The following CFAP44 variants were observed in gnomAD, a reference collection of about 807,000 sequenced individuals.
The protein encoded by CFAP44 is cilia- and flagella-associated protein 44.
Under a neutral mutation model 216.2 loss-of-function variants are expected in CFAP44, and 134 were observed. The ratio of observed to expected loss-of-function variants is 0.62; its 90% CI spans 0.54 to 0.72. The LOEUF (loss-of-function observed/expected upper bound fraction) is 0.72, where lower values mean the gene tolerates loss of function less well. Ranked by LOEUF, CFAP44 falls within the 30% of genes least tolerant of loss-of-function variation. The probability of loss-of-function intolerance (pLI) is 0.00; values close to 1 mark genes in which losing one functional copy is unlikely to be tolerated. For synonymous variants in CFAP44, 700 were observed against 727.6 expected (o/e 0.96, Z 0.61); for missense variants, 2,035 against 2,182.1 (o/e 0.93, Z 1.34).
At position 113,287,027 on chromosome 3, in the gene CFAP44, T is replaced by C. The variant is rs898808889; in HGVS notation, c.*4530A>G. On this transcript the variant is annotated 3_prime_UTR_variant, in exon 35 of 35. Transcript: ENST00000393845. ...TATGTTTTATAATTCTGGAGAGACA[T>C]AAGGAGTCCTACCCGTTGAGGTTGG... 1.2e-6 allele frequency: 1 copy of C among 828,388 alleles called. No individual in the cohort carries two copies. Among genetic ancestry groups the C allele is most frequent in the African/African-American group, 1.7e-5 (1 of 59,018 alleles). The allele number at this position is 828,388 out of a possible 1,614,324, so 51.3% of individuals were successfully genotyped here.
At chr3:113,434,262 G>C (rs1935180033) in intron 1 of CFAP44, among the ~76,000 whole-genome samples, 2 of 152,190 alleles carry the variant, frequency 1.3e-5, no homozygotes, top group Non-Finnish European at 2.9e-5. Context: ...CCTAAAACAT[G>C]ATGGGGGGTT....
At chr3:113,304,699 T>C (rs572809401) in intron 31 of CFAP44, among the ~76,000 whole-genome samples, 14 of 152,326 alleles carry the variant, frequency 9.2e-5, no homozygotes, top group African/African-American at 3.4e-4. Context: ...AGTCCATGTA[T>C]AGATAAAGAT....
At chr3:113,338,916 A>G (rs1950305920) in intron 24 of CFAP44, among the ~76,000 whole-genome samples, 1 of 151,306 alleles carries the variant, frequency 6.6e-6, no homozygotes. Flanking sequence ...GAGAGAGCTG[A>G]CTCCTCTGCT....
At chr3:113,342,039 G>T in intron 23 of CFAP44, 121 bp from the exon 24 acceptor site, 1 of 1,211,394 alleles carries the variant, frequency 8.3e-7, no homozygotes, top group Non-Finnish European at 1.1e-6. Context: ...GTAAATCAAA[G>T]TATTTATTGA....
chr3:113,417,044 G>A (rs980739486), intron 5 of CFAP44, among the ~76,000 whole-genome samples: 19 of 152,162 alleles, frequency 1.2e-4, no homozygotes, highest in African/African-American at 4.3e-4. Context: ...TTCTAACTGC[G>A]TGATTTACAT....
chr3:113,426,795 G>A (rs35935366), intron 3 of CFAP44: 106,947 of 208,848 alleles, frequency 0.51, 28,966 homozygotes, highest in African/African-American at 0.71. Context: ...AGCAGTCATC[G>A]GTGAGCATGG....
Position 113,320,947 on chromosome 3 carries a change from T to C in CFAP44, c.4516+5498A>G, listed in dbSNP as rs549707530. On this transcript the variant is annotated intron_variant, in intron 28 of 34. Transcript: ENST00000393845. Reference sequence around the variant, plus strand: ...CCCTCACAGACACACCCAGGATCAATACTTTGCATCCTTCAATCCAATCAT... The same window carrying C: ...CCCTCACAGACACACCCAGGATCAACACTTTGCATCCTTCAATCCAATCAT... Among the ~76,000 whole-genome samples the C allele has an allele frequency of 5.2e-4, 79 of 152,278 alleles. 1 individual carries two copies. The highest frequency in any genetic ancestry group is 4.9e-4 in the Non-Finnish European group (33 of 68,018).
Position 113,308,172 on chromosome 3 carries a change from G to T in CFAP44, c.4613C>A (p.Ser1538Tyr), listed in dbSNP as rs1354679670. 2.6e-6 allele frequency: 4 copies of T among 1,533,096 alleles called. No homozygotes were observed. The highest frequency in any genetic ancestry group is 3.5e-6 in the Non-Finnish European group (4 of 1,145,840). 95.0% of individuals were successfully genotyped at this position (1,533,096 alleles called of 1,614,324 possible). A position where few individuals can be genotyped will look rare whatever the true frequency, so the allele number is the denominator to read the frequency against. ...SESEDEVFDD[S>Y]ICPTNCDVAL... ...ATCTAACTTACTTGTTGGGCAAATAGAATCATCAAAAACCTCATCTTCTGA... is the reference window on the plus strand; with the variant it reads ...ATCTAACTTACTTGTTGGGCAAATATAATCATCAAAAACCTCATCTTCTGA... The change falls in exon 29 of 35, where the codon TCT (serine) becomes TAT (tyrosine). Residue 1538 changes from serine (S) to tyrosine (Y), a missense_variant. Coordinates refer to ENST00000393845, the MANE Select transcript of CFAP44 (RefSeq NM_001164496.2).
chr3:113,427,498 C>T, intron 2 of CFAP44, 159 bp from the exon 3 acceptor site: 3 of 553,360 alleles, frequency 5.4e-6, no homozygotes, highest in Non-Finnish European at 9.2e-6. Flanking sequence ...AGTCTTGTAA[C>T]TTTACAAAAT....
At chr3:113,403,709 A>G (rs1030704627) in intron 9 of CFAP44, 143 bp downstream of exon 9, 1 of 860,702 alleles carries the variant, frequency 1.2e-6, no homozygotes, top group Admixed American at 3.4e-5. Flanking sequence ...CCACAAGAGA[A>G]GCATTATTTA....
chr3:113,406,784 T>C, intron 8 of CFAP44, 143 bp downstream of exon 8: 2 of 570,102 alleles, frequency 3.5e-6, no homozygotes, highest in African/African-American at 1.9e-5. Flanking sequence ...CAATTGATAA[T>C]TGAAGAAGTA....
At chr3:113,305,001 C>G in intron 31 of CFAP44, 35 bp downstream of exon 31, 2 of 1,522,590 alleles carry the variant, frequency 1.3e-6, no homozygotes, top group Non-Finnish European at 1.8e-6. Context: ...TGACTCTTCT[C>G]GGACAGGATG....
rs542728081 is a variant in CFAP44, at chr3:113,323,753, G to T, written c.4516+2692C>A. ...ACCATGACTCACCCAATATGAAATA[G>T]ATCATTTGGGCTGGGTGCAGTGGCT... On this transcript the variant is annotated intron_variant, in intron 28 of 34. Transcript: ENST00000393845. 2.2e-4 allele frequency among the ~76,000 whole-genome samples: 33 copies of T among 152,206 alleles called. No individual in the cohort carries two copies. The South Asian group carries it at 6.0e-3, about 28-fold the overall frequency.
At chr3:113,303,217 C>G (rs1559905017) in intron 32 of CFAP44, among the ~76,000 whole-genome samples, 1 of 152,128 alleles carries the variant, frequency 6.6e-6, no homozygotes, top group East Asian at 1.9e-4. Context: ...CTCTGTAACC[C>G]AGAGACCCAG....
intron 28 of CFAP44, among the ~76,000 whole-genome samples, chr3:113,312,564 G>A (rs189023219): frequency 4.1e-4 from 63 of 152,118 alleles, no homozygotes; most frequent in African/African-American, 1.4e-3. Context: ...TAATCCCCAA[G>A]ACAATGGGGA....
chr3:113,423,818 G>A (rs1934886831), intron 4 of CFAP44, among the ~76,000 whole-genome samples: 1 of 152,194 alleles, frequency 6.6e-6, no homozygotes, highest in Non-Finnish European at 1.5e-5. Context: ...AGCCAGAGTA[G>A]GCCCAGAGAC....
intron 12 of CFAP44, 43 bp from the exon 13 acceptor site, chr3:113,400,043 A>G: frequency 7.5e-7 from 1 of 1,341,946 alleles, no homozygotes; most frequent in Non-Finnish European, 1.0e-6. Context: ...TATATACATA[A>G]TTTTTTTAAG....
Position 113,305,171 on chromosome 3 carries a change from T to G in CFAP44, c.4759-19A>C, listed in dbSNP as rs2270785. 46 of 1,530,436 alleles carry G rather than the reference T, an allele frequency of 3.0e-5. No individual in the cohort carries two copies. The African/African-American group carries it at 5.4e-4, about 18-fold the overall frequency. 94.8% of individuals were successfully genotyped at this position (1,530,436 alleles called of 1,614,324 possible). On this transcript the variant is annotated intron_variant, in intron 30 of 34. Coordinates refer to ENST00000393845, the MANE Select transcript of CFAP44 (RefSeq NM_001164496.2). ...TTTTCACCTGTAGAAAGCCCCGTGT[T>G]GTGAAATGGTGACAAGACTCAATAA... is the stretch of plus-strand genomic sequence containing the variant.
At chr3:113,401,816 AT>A (rs558920706) in intron 9 of CFAP44, 77 bp from the exon 10 acceptor site, 279 of 1,424,498 alleles carry the variant, frequency 2.0e-4, no homozygotes, top group African/African-American at 1.7e-3. Context: ...AAAAACCCTG[AT>A]TTTTTTTTCA....
Sources: gnomAD v4.1 joint callset for allele counts (sites outside exome capture counted in the v4.1 genomes callset) on GRCh38, gnomAD v4.1.1 for gene constraint, MANE v1.5 for transcripts, NCBI Gene and HGNC (gene_info 2026-07-23, HGNC 2026-07-21) for gene names.